The following FBLN2 variants were observed in gnomAD, a reference collection of about 807,000 sequenced individuals.
FBLN2 encodes fibulin-2.
In FBLN2, 81 loss-of-function variants were observed where a neutral mutation model predicts 123.7. The ratio of observed to expected loss-of-function variants is 0.65; its 90% CI spans 0.55 to 0.79. The LOEUF (loss-of-function observed/expected upper bound fraction) is 0.79, where lower values mean the gene tolerates loss of function less well. Among genes scored for constraint, FBLN2 ranks in the 30% least tolerant of loss-of-function variants. The probability of loss-of-function intolerance (pLI) is 0.00; values close to 1 mark genes in which losing one functional copy is unlikely to be tolerated. For synonymous variants in FBLN2, 699 were observed against 701.4 expected (o/e 1.00, Z 0.05); for missense variants, 1,603 against 1,681.3 (o/e 0.95, Z 0.81).
At chr3:13,637,295 A>G (rs1276927060) in intron 17 of FBLN2, among the ~76,000 whole-genome samples, 1 of 152,204 alleles carries the variant, frequency 6.6e-6, no homozygotes, top group Non-Finnish European at 1.5e-5. Context: ...AGAAAGGAGC[A>G]TGGGGACAGG....
At chr3:13,629,462 A>G (rs896053) in intron 13 of FBLN2, among the ~76,000 whole-genome samples, 170 bp downstream of exon 13, 149,443 of 152,158 alleles carry the variant, frequency 0.98, 73,382 homozygotes, top group East Asian at 1. Flanking sequence ...GCCTGCCAGG[A>G]CCTGGCTCTG....
chr3:13,633,880 T>C (rs959623053), intron 16 of FBLN2, among the ~76,000 whole-genome samples: 9 of 151,812 alleles, frequency 5.9e-5, no homozygotes, highest in African/African-American at 2.2e-4. Flanking sequence ...ATGACTGAGC[T>C]GAGTGGGAAC....
intron 2 of FBLN2, among the ~76,000 whole-genome samples, chr3:13,581,473 G>A (rs1704325504): frequency 6.6e-6 from 1 of 152,092 alleles, no homozygotes; most frequent in Non-Finnish European, 1.5e-5. Context: ...TCTAAGTTAG[G>A]TGGCCAATCA....
intron 2 of FBLN2, among the ~76,000 whole-genome samples, chr3:13,591,020 C>T (rs1339968809): frequency 6.6e-6 from 1 of 152,246 alleles, no homozygotes; most frequent in Non-Finnish European, 1.5e-5. Context: ...TGCATCCCTA[C>T]CAGCCATGCA....
chr3:13,558,928 G>A (rs1329063935), intron 1 of FBLN2, among the ~76,000 whole-genome samples: 2 of 151,916 alleles, frequency 1.3e-5, no homozygotes, highest in African/African-American at 2.4e-5. Context: ...AGAGGGCATC[G>A]CAGGTTGAGC....
At chr3:13,578,006 C>G (rs909028140) in intron 2 of FBLN2, among the ~76,000 whole-genome samples, 3 of 152,172 alleles carry the variant, frequency 2.0e-5, no homozygotes, top group African/African-American at 7.2e-5. Flanking sequence ...CATGGGGGAC[C>G]TAGAGGTACA....
At chr3:13,556,116 C>T (rs1703456866) in intron 1 of FBLN2, among the ~76,000 whole-genome samples, 2 of 152,164 alleles carry the variant, frequency 1.3e-5, no homozygotes. Context: ...CCTCTGTGCC[C>T]CCAGCTCCGT....
chr3:13,553,921 A>G (rs1298177943), intron 1 of FBLN2, among the ~76,000 whole-genome samples: 1 of 152,170 alleles, frequency 6.6e-6, no homozygotes, highest in Non-Finnish European at 1.5e-5. Context: ...CCCCCTGGCT[A>G]TGCTGACATT....
chr3:13,614,716 A>G (rs188375408), intron 5 of FBLN2, among the ~76,000 whole-genome samples: 4 of 147,040 alleles, frequency 2.7e-5, no homozygotes, highest in South Asian at 2.2e-4. Flanking sequence ...CCATCCATCT[A>G]TCCATCCATT....
intron 2 of FBLN2, among the ~76,000 whole-genome samples, chr3:13,582,738 C>T (rs1704373306): frequency 6.6e-6 from 1 of 152,266 alleles, no homozygotes; most frequent in Non-Finnish European, 1.5e-5. Context: ...CTGAGAGGAG[C>T]AGGCGGGCTA....
At position 13,609,690 on chromosome 3, in the gene FBLN2, G is replaced by A. The variant is rs202190016; in HGVS notation, c.1548+48G>A. On this transcript the variant is annotated intron_variant, in intron 4 of 17. Coordinates refer to ENST00000404922, the MANE Select transcript of FBLN2 (RefSeq NM_001004019.2). ...AAGGCAGGGTGGGGTGGGGCGGGGC[G>A]GGAGGCTGGCCTGGGCCTGAAGGTC... 3.3e-5 allele frequency: 49 copies of A among 1,476,704 alleles called. No homozygotes were observed. In the African/African-American group the frequency reaches 5.3e-4, roughly 16 times the overall value. The allele number at this position is 1,476,704 out of a possible 1,614,324, so 91.5% of individuals were successfully genotyped here. A position where few individuals can be genotyped will look rare whatever the true frequency, so the allele number is the denominator to read the frequency against.
chr3:13,636,390 T>G, intron 16 of FBLN2, 55 bp from the exon 17 acceptor site: 1 of 1,598,778 alleles, frequency 6.3e-7, no homozygotes, highest in Non-Finnish European at 8.5e-7. Flanking sequence ...CTGGGGAGTT[T>G]CAGGCTGGGT....
In FBLN2 at chr3:13,571,620, A is replaced by G. The variant is rs370477612; in HGVS notation, c.1265A>G (p.Asp422Gly). The change falls in exon 2 of 18, where the codon GAC becomes GGC. Residue 422 changes from aspartate (D) to glycine (G), a missense_variant. Physicochemically the swap from Asp to Gly is moderately conservative, Grantham distance 94 (BLOSUM62 -1). Transcript: ENST00000404922. ...CATTCCCACGTGGAGGAGGACACAG[A>G]CCCCAACTCTGTCCATTCTATCCCC... is the stretch of plus-strand genomic sequence containing the variant. ...LPHSHVEEDT[D>G]PNSVHSIPRS... 13 of 1,610,012 alleles carry G rather than the reference A, an allele frequency of 8.1e-6. No homozygotes were observed. Among genetic ancestry groups the G allele is most frequent in the Admixed American group, 5.0e-5 (3 of 59,748 alleles).
In FBLN2 at chr3:13,617,179, T is replaced by TATCC. The variant is rs1333288888; in HGVS notation, c.1730-877_1730-874dup. On this transcript the variant is annotated intron_variant, in intron 5 of 17. Transcript: ENST00000404922. Reference sequence around the variant, plus strand: ...CCATCCATCCATCCATCCATCCATCTATCCATCCATCCATCCATCCATCTA... The same window carrying TATCC: ...CCATCCATCCATCCATCCATCCATCTATCCATCCATCCATCCATCCATCCATCTA... 4.5e-3 allele frequency among the ~76,000 whole-genome samples: 578 copies of TATCC among 129,568 alleles called. 2 individuals are homozygous for TATCC. The highest frequency in any genetic ancestry group is 0.033 in the Middle Eastern group (8 of 244). The allele number at this position is 129,568 out of a possible 152,430, so 85.0% of individuals were successfully genotyped here.
At chr3:13,617,578 CCCATCCATCCATCCATCCATCCAT>C (rs57191985) in intron 5 of FBLN2, among the ~76,000 whole-genome samples, 3 of 119,392 alleles carry the variant, frequency 2.5e-5, no homozygotes, top group Non-Finnish European at 5.0e-5. Context: ...AACCCATCCA[CCCATCCATCCATCCATCCATCCAT>C]CCATCCATCC....
At chr3:13,628,068 G>C in intron 11 of FBLN2, 99 bp downstream of exon 11, 1 of 1,441,136 alleles carries the variant, frequency 6.9e-7, no homozygotes. Flanking sequence ...GGCCTGGCTT[G>C]CTGCTCCATT....
At chr3:13,600,658 C>G (rs1705002489) in intron 2 of FBLN2, among the ~76,000 whole-genome samples, 2 of 151,358 alleles carry the variant, frequency 1.3e-5, no homozygotes, top group Admixed American at 1.3e-4. Context: ...TCTTGTCACC[C>G]AGGCTGGAGT....
rs1341695677 is a variant in FBLN2 at position 13,621,729 on chromosome 3, G to A, written c.2156-46G>A. On this transcript the variant is annotated intron_variant, in intron 8 of 17. Transcript: ENST00000404922. The stretch of plus-strand genomic sequence containing the variant: ...CACTGGATGCTCCGTGGCAGCCCAT[G>A]TCCCTCTAACAGTCCTTCTGTTTTT... The A allele has an allele frequency of 3.1e-6, 5 of 1,606,776 alleles. No homozygotes were observed. The Admixed American group carries it at 6.7e-5, about 21-fold the overall frequency.
rs1255750685 is a variant in FBLN2, at chr3:13,631,408, A to G, written c.3165A>G (p.Ala1055=). ...ACGTGCCAGGGAGCTACCAGTGTGC[A>G]TGCCCTGAGCAGGGCTACACCATGA... ...CLNVPGSYQC[A]CPEQGYTMTA... is the part of the protein sequence containing the mutation. Residue 1055 remains alanine, a synonymous_variant, in exon 16 of 18, where the codon GCA becomes GCG. Transcript: ENST00000404922. The G allele has an allele frequency of 6.2e-7, 1 of 1,601,592 alleles. No individual in the cohort carries two copies. Among genetic ancestry groups the G allele is most frequent in the Non-Finnish European group, 8.5e-7 (1 of 1,174,494 alleles).
Sources: gnomAD v4.1 joint callset for allele counts (sites outside exome capture counted in the v4.1 genomes callset) on GRCh38, gnomAD v4.1.1 for gene constraint, MANE v1.5 for transcripts, NCBI Gene and HGNC (gene_info 2026-07-23, HGNC 2026-07-21) for gene names.